The following TMEM17 variants were observed in gnomAD, a reference collection of about 807,000 sequenced individuals.
The protein encoded by TMEM17 is transmembrane protein 17.
TMEM17 carries 15 observed loss-of-function variants against 19.1 expected under a neutral mutation model. The observed-to-expected ratio is 0.78, with a 90% confidence interval of 0.52 to 1.21. The LOEUF is 1.21. Ranked by LOEUF, TMEM17 falls within the 50% of genes most tolerant of loss-of-function variation. TMEM17 has a pLI of 0.00. For synonymous variants in TMEM17, 103 were observed against 86.9 expected, an observed-to-expected ratio of 1.19 and a Z score of -1.03; for missense variants, 245 against 242.3, an observed-to-expected ratio of 1.01 and a Z score of -0.07.
At chr2:62,482,741 A>T in the TMEM17 span, among the ~76,000 whole-genome samples, 1 of 152,196 alleles carries the variant, frequency 6.6e-6, no homozygotes, top group Non-Finnish European at 1.5e-5. Context: ...CATGTCGAGC[A>T]CGCTCATCTG....
Position 62,506,023 on chromosome 2 carries a change from C to T in TMEM17, c.100+7G>A, listed in dbSNP as rs1274203415. On this transcript the variant is annotated splice_region_variant and intron_variant, in intron 1 of 3. Transcript: ENST00000335390. The stretch of plus-strand genomic sequence containing the variant: ...CACACCCCCTGCACCGGGCCTCGGT[C>T]ACTCACCCGGACCCTCATTGGACTC... 1.2e-6 allele frequency: 2 copies of T among 1,607,074 alleles called. No homozygotes were observed.
the TMEM17 span, among the ~76,000 whole-genome samples, chr2:62,479,717 C>T: frequency 1.3e-5 from 2 of 152,020 alleles, no homozygotes; most frequent in Non-Finnish European, 2.9e-5. Context: ...AAAACCCCAT[C>T]TCTACAAAAA....
downstream of TMEM17, among the ~76,000 whole-genome samples, chr2:62,498,643 G>A (rs1447443873): frequency 6.8e-6 from 1 of 146,842 alleles, no homozygotes; most frequent in Non-Finnish European, 1.5e-5. Flanking sequence ...GTGAACCCGG[G>A]AGGCGGAGCT....
chr2:62,456,610 G>A, the TMEM17 span, among the ~76,000 whole-genome samples: 1 of 152,326 alleles, frequency 6.6e-6, no homozygotes, highest in South Asian at 2.1e-4. Flanking sequence ...CAGGGGTTAG[G>A]ACCTGGCTGT....
the TMEM17 span, among the ~76,000 whole-genome samples, chr2:62,458,641 C>T: frequency 1.3e-5 from 2 of 152,166 alleles, no homozygotes; most frequent in Non-Finnish European, 2.9e-5. Context: ...CGATTCAGAC[C>T]GTGAATGCTT....
the TMEM17 span, among the ~76,000 whole-genome samples, chr2:62,456,415 G>C: frequency 2.1e-4 from 32 of 152,120 alleles, no homozygotes; most frequent in Non-Finnish European, 3.8e-4. Flanking sequence ...CTCTCTGTCT[G>C]CTTCCTTTGT....
the TMEM17 span, among the ~76,000 whole-genome samples, chr2:62,476,033 T>G: frequency 6.6e-6 from 1 of 152,242 alleles, no homozygotes; most frequent in East Asian, 1.9e-4. Flanking sequence ...GTCAGAGCTC[T>G]GGCCACTGCC....
chr2:62,502,840 T>A (rs1462547717), intron 1 of TMEM17, 46 bp from the exon 2 acceptor site: 4 of 1,211,010 alleles, frequency 3.3e-6, no homozygotes, highest in Non-Finnish European at 4.8e-6. Flanking sequence ...CTTGGGTTTA[T>A]GCCCTATATA....
chr2:62,478,528 T>C, the TMEM17 span, among the ~76,000 whole-genome samples: 6 of 152,308 alleles, frequency 3.9e-5, no homozygotes, highest in Non-Finnish European at 8.8e-5. Context: ...TCCTTAAATT[T>C]TGAGGCAACT....
chr2:62,454,430 C>G, the TMEM17 span, among the ~76,000 whole-genome samples: 3 of 152,184 alleles, frequency 2.0e-5, no homozygotes, highest in Non-Finnish European at 2.9e-5. Context: ...GTGTGCAGCT[C>G]TGTTCCCACT....
downstream of TMEM17, among the ~76,000 whole-genome samples, chr2:62,495,702 C>T (rs1218363050): frequency 1.3e-5 from 2 of 152,176 alleles, no homozygotes; most frequent in Non-Finnish European, 2.9e-5. Flanking sequence ...CTTTGCTATG[C>T]AAAAGCTTTA....
chr2:62,470,497 G>A, the TMEM17 span, among the ~76,000 whole-genome samples: 3 of 152,196 alleles, frequency 2.0e-5, no homozygotes, highest in African/African-American at 7.2e-5. Flanking sequence ...AGTATTTCAG[G>A]TGAGTGCAGT....
the TMEM17 span, among the ~76,000 whole-genome samples, chr2:62,484,735 A>G: frequency 1.3e-5 from 2 of 152,036 alleles, no homozygotes; most frequent in Non-Finnish European, 2.9e-5. Context: ...GGGTTTTGAT[A>G]TGTTCTCATG....
rs769256616 is a variant in TMEM17 at position 62,506,151 on chromosome 2, A to G, written c.-22T>C. 2.1e-5 allele frequency: 34 copies of G among 1,581,998 alleles called. No individual in the cohort carries two copies. The highest frequency in any genetic ancestry group is 1.7e-6 in the Non-Finnish European group (2 of 1,164,466). On this transcript the variant is annotated 5_prime_UTR_variant, in exon 1 of 4. Coordinates refer to ENST00000335390, the MANE Select transcript of TMEM17 (RefSeq NM_198276.3). ...CCATGCCTGGGCCTCAGTATCCCTC[A>G]CCCCCTCAGACACGGGCTAGTCTGC... is the stretch of plus-strand genomic sequence containing the variant.
chr2:62,470,874 C>T, the TMEM17 span, among the ~76,000 whole-genome samples: 1 of 152,332 alleles, frequency 6.6e-6, no homozygotes, highest in Non-Finnish European at 1.5e-5. Flanking sequence ...TTAACCACTC[C>T]AGTTCCAAGG....
chr2:62,494,614 G>T, the TMEM17 span, among the ~76,000 whole-genome samples: 4 of 152,092 alleles, frequency 2.6e-5, no homozygotes, highest in African/African-American at 7.2e-5. Context: ...CTTTAAAAAT[G>T]AATCAATAAT....
chr2:62,505,884 C>G (rs957449599), intron 1 of TMEM17, 146 bp downstream of exon 1: 2 of 813,582 alleles, frequency 2.5e-6, no homozygotes, highest in African/African-American at 3.7e-5. Flanking sequence ...CCGGCCCGGC[C>G]CCTCCTCCAA....
At chr2:62,467,558 A>T in the TMEM17 span, among the ~76,000 whole-genome samples, 1 of 152,220 alleles carries the variant, frequency 6.6e-6, no homozygotes, top group Middle Eastern at 3.4e-3. Context: ...CCAACTGAGC[A>T]CTTGTCTCTT....
At chr2:62,474,331 T>C in the TMEM17 span, among the ~76,000 whole-genome samples, 1 of 152,120 alleles carries the variant, frequency 6.6e-6, no homozygotes, top group Non-Finnish European at 1.5e-5. Flanking sequence ...TAGCTCCATT[T>C]CCCTGAAATG....
Sources: gnomAD v4.1 joint callset for allele counts (sites outside exome capture counted in the v4.1 genomes callset) on GRCh38, gnomAD v4.1.1 for gene constraint, MANE v1.5 for transcripts, NCBI Gene and HGNC (gene_info 2026-07-23, HGNC 2026-07-21) for gene names.